Variants in GBE1 observed in about 807,000 individuals in gnomAD.
The protein encoded by GBE1 is 1,4-alpha-glucan branching enzyme 1.
GBE1 carries 70 observed loss-of-function variants against 88.8 expected under a neutral mutation model. The ratio of observed to expected loss-of-function variants is 0.79; its 90% CI spans 0.65 to 0.96. GBE1 has a LOEUF of 0.96. Among genes scored for constraint, GBE1 ranks in the 40% least tolerant of loss-of-function variants. The pLI is 0.00. For missense variants in GBE1, 872 were observed against 871.0 expected, an observed-to-expected ratio of 1.00 and a Z score of -0.01; for synonymous variants, 284 against 300.1, an observed-to-expected ratio of 0.95 and a Z score of 0.56.
At chr3:81,603,806 A>C (rs983211502) in intron 7 of GBE1, among the ~76,000 whole-genome samples, 1 of 152,090 alleles carries the variant, frequency 6.6e-6, no homozygotes, top group East Asian at 1.9e-4. Flanking sequence ...TATAAATTTA[A>C]ATTTAAACTG....
chr3:81,558,765 A>G (rs554623764), intron 12 of GBE1, among the ~76,000 whole-genome samples: 1 of 152,252 alleles, frequency 6.6e-6, no homozygotes, highest in South Asian at 2.1e-4. Flanking sequence ...ATATCCATAT[A>G]GTAATATTTC....
chr3:81,729,380 C>T (rs1706156835), intron 1 of GBE1, among the ~76,000 whole-genome samples: 1 of 152,138 alleles, frequency 6.6e-6, no homozygotes, highest in Non-Finnish European at 1.5e-5. Flanking sequence ...GCACAGTATG[C>T]CTGCATAAGC....
chr3:81,522,512 T>C (rs1297983433), intron 14 of GBE1, among the ~76,000 whole-genome samples: 1 of 151,386 alleles, frequency 6.6e-6, no homozygotes, highest in African/African-American at 2.4e-5. Flanking sequence ...TTGTAAATTA[T>C]GTTGGAAATG....
chr3:81,629,581 C>G (rs1156299406), intron 7 of GBE1, among the ~76,000 whole-genome samples: 1 of 152,142 alleles, frequency 6.6e-6, no homozygotes, highest in African/African-American at 2.4e-5. Flanking sequence ...GATTACAAAG[C>G]TGTTAACAGC....
At chr3:81,757,087 A>G (rs1478390097) in intron 1 of GBE1, among the ~76,000 whole-genome samples, 2 of 152,322 alleles carry the variant, frequency 1.3e-5, no homozygotes, top group Non-Finnish European at 2.9e-5. Flanking sequence ...TGTGGACAAA[A>G]TAAGAAATGA....
chr3:81,725,139 G>C (rs368034345), intron 1 of GBE1, among the ~76,000 whole-genome samples: 1 of 152,064 alleles, frequency 6.6e-6, no homozygotes, highest in Admixed American at 6.5e-5. Flanking sequence ...CACAGGCTAC[G>C]CTAAATTTAT....
At chr3:81,688,876 A>G (rs1048449335) in intron 2 of GBE1, among the ~76,000 whole-genome samples, 2 of 151,788 alleles carry the variant, frequency 1.3e-5, no homozygotes, top group Non-Finnish European at 2.9e-5. Context: ...TAAATTACAC[A>G]GGCAATTACT....
chr3:81,643,460 T>G (rs1400428128), intron 6 of GBE1, among the ~76,000 whole-genome samples: 1 of 152,112 alleles, frequency 6.6e-6, no homozygotes, highest in African/African-American at 2.4e-5. Flanking sequence ...CAGTTACCAG[T>G]GGGCCAAGAC....
chr3:81,693,718 C>A (rs965639901), intron 2 of GBE1, among the ~76,000 whole-genome samples: 1 of 151,990 alleles, frequency 6.6e-6, no homozygotes, highest in Non-Finnish European at 1.5e-5. Flanking sequence ...ATATCAAGAA[C>A]CCTGACAGAT....
At chr3:81,539,822 G>C (rs1703121167) in intron 12 of GBE1, among the ~76,000 whole-genome samples, 1 of 151,902 alleles carries the variant, frequency 6.6e-6, no homozygotes, top group Non-Finnish European at 1.5e-5. Context: ...TTCAATTTTA[G>C]GCCTGCTAAA....
Position 81,490,234 on chromosome 3 carries a change from C to G in GBE1, c.*173G>C, listed in dbSNP as rs1000788841. 3 of 596,244 alleles carry G rather than the reference C, an allele frequency of 5.0e-6. No homozygotes were observed. In the African/African-American group the frequency reaches 5.7e-5, roughly 11 times the overall value. The allele number at this position is 596,244 out of a possible 1,614,324, so 36.9% of individuals were successfully genotyped here. A position where few individuals can be genotyped will look rare whatever the true frequency, so the allele number is the denominator to read the frequency against. On this transcript the variant is annotated 3_prime_UTR_variant, in exon 16 of 16. Coordinates refer to ENST00000429644, the MANE Select transcript of GBE1 (RefSeq NM_000158.4). ...TAATATTTTAAACATATTCTCCCAT[C>G]TACTTAAATAAAAGTTTGCTGTATT...
intron 1 of GBE1, among the ~76,000 whole-genome samples, chr3:81,721,328 C>A (rs559878274): frequency 5.7e-4 from 83 of 146,334 alleles, no homozygotes; most frequent in Non-Finnish European, 1.1e-3. Flanking sequence ...CATACTGATA[C>A]TTAATTTAGT....
intron 9 of GBE1, among the ~76,000 whole-genome samples, chr3:81,589,174 A>C (rs1325192990): frequency 6.6e-6 from 1 of 152,086 alleles, no homozygotes; most frequent in Non-Finnish European, 1.5e-5. Flanking sequence ...TTACTATCTA[A>C]AGAGCACTTA....
At chr3:81,713,792 A>C in intron 1 of GBE1, among the ~76,000 whole-genome samples, 1 of 152,220 alleles carries the variant, frequency 6.6e-6, no homozygotes, top group African/African-American at 2.4e-5. Flanking sequence ...TATTCAACTT[A>C]GCATACACTC....
chr3:81,664,522 A>C (rs1705083380), intron 3 of GBE1, among the ~76,000 whole-genome samples: 1 of 152,078 alleles, frequency 6.6e-6, no homozygotes, highest in Non-Finnish European at 1.5e-5. Flanking sequence ...CTGGGCCTAA[A>C]ACGCCCCAAC....
At chr3:81,656,973 T>C (rs1017945297) in intron 3 of GBE1, among the ~76,000 whole-genome samples, 2 of 151,948 alleles carry the variant, frequency 1.3e-5, no homozygotes, top group African/African-American at 4.8e-5. Context: ...CTGATCCATA[T>C]GGAGAAACGC....
At chr3:81,568,688 G>T (rs2029660) in intron 12 of GBE1, among the ~76,000 whole-genome samples, 97,520 of 151,976 alleles carry the variant, frequency 0.64, 32,781 homozygotes, top group East Asian at 0.92. Context: ...TCCCAAATGC[G>T]TTAAGGATTG....
intron 3 of GBE1, among the ~76,000 whole-genome samples, chr3:81,667,847 G>C (rs961936943): frequency 2.6e-5 from 4 of 152,074 alleles, no homozygotes; most frequent in African/African-American, 9.7e-5. Flanking sequence ...GATTCGGTTT[G>C]CCCGTATTTT....
In GBE1 at chr3:81,639,352, A is replaced by T. The variant is rs541029276; in HGVS notation, c.992+3429T>A. On this transcript the variant is annotated intron_variant, in intron 7 of 15. Coordinates refer to ENST00000429644, the MANE Select transcript of GBE1 (RefSeq NM_000158.4). The stretch of plus-strand genomic sequence containing the variant: ...ATAATGAAAGGTGTATTTTTTTTTA[A>T]AAAAAATGGCTATTTCAGACATAAC... 1.8e-3 allele frequency among the ~76,000 whole-genome samples: 275 copies of T among 150,302 alleles called. 1 individual carries two copies. Among genetic ancestry groups the T allele is most frequent in the Middle Eastern group, 0.01 (3 of 290 alleles).
Sources: gnomAD v4.1 joint callset for allele counts (sites outside exome capture counted in the v4.1 genomes callset) on GRCh38, gnomAD v4.1.1 for gene constraint, MANE v1.5 for transcripts, NCBI Gene and HGNC (gene_info 2026-07-23, HGNC 2026-07-21) for gene names.